CNTN5: variants seen among roughly 807,000 people sequenced by gnomAD.
CNTN5 encodes contactin 5, also known as contactin-5.
In CNTN5, 77 loss-of-function variants were observed where a neutral mutation model predicts 129.1. The ratio of observed to expected loss-of-function variants is 0.60; its 90% CI spans 0.50 to 0.72. The LOEUF is 0.72. Among genes scored for constraint, CNTN5 ranks in the 30% least tolerant of loss-of-function variants. CNTN5 has a pLI of 0.00. For missense variants in CNTN5, 1,478 were observed against 1,328.8 expected, an observed-to-expected ratio of 1.11 and a Z score of -1.75; for synonymous variants, 509 against 465.6, an observed-to-expected ratio of 1.09 and a Z score of -1.20.
intron 1 of CNTN5, among the ~76,000 whole-genome samples, chr11:99,115,561 A>G (rs1299027515): frequency 6.6e-6 from 1 of 152,116 alleles, no homozygotes; most frequent in Non-Finnish European, 1.5e-5. Flanking sequence ...GGAGTTTGAG[A>G]CCAGCCTGGC....
chr11:99,547,889 C>T (rs954464), intron 2 of CNTN5, among the ~76,000 whole-genome samples: 9,572 of 152,176 alleles, frequency 0.063, 356 homozygotes, highest in Non-Finnish European at 0.076. Context: ...TATTAATATG[C>T]AGTTTACTTA....
intron 2 of CNTN5, among the ~76,000 whole-genome samples, chr11:99,431,585 G>T (rs189756765): frequency 2.6e-5 from 4 of 152,266 alleles, no homozygotes; most frequent in Admixed American, 1.3e-4. Flanking sequence ...ATTGTAGATA[G>T]CCCAGGCTAG....
At chr11:100,244,687 T>C (rs1213125147) in intron 16 of CNTN5, among the ~76,000 whole-genome samples, 1 of 152,206 alleles carries the variant, frequency 6.6e-6, no homozygotes, top group East Asian at 1.9e-4. Flanking sequence ...TAGGAATATA[T>C]TGCTATAATA....
chr11:100,005,952 G>T (rs1316915498), intron 9 of CNTN5, among the ~76,000 whole-genome samples: 1 of 151,980 alleles, frequency 6.6e-6, no homozygotes, highest in Non-Finnish European at 1.5e-5. Flanking sequence ...AACCAAATAT[G>T]TTCCTAGATA....
intron 3 of CNTN5, among the ~76,000 whole-genome samples, chr11:99,575,485 A>C (rs566111545): frequency 6.6e-6 from 1 of 152,326 alleles, no homozygotes; most frequent in African/African-American, 2.4e-5. Context: ...ACAGAAACTC[A>C]GATTTGTTAA....
chr11:99,743,525 A>G (rs919263637), intron 3 of CNTN5, among the ~76,000 whole-genome samples: 14 of 152,140 alleles, frequency 9.2e-5, no homozygotes, highest in African/African-American at 3.1e-4. Context: ...ATAAATTGCA[A>G]TTACATGAAG....
Position 99,737,611 on chromosome 11 carries a change from T to A in CNTN5, c.56-81933T>A, listed in dbSNP as rs769203188. On this transcript the variant is annotated intron_variant, in intron 3 of 24. Coordinates refer to ENST00000524871, the MANE Select transcript of CNTN5 (RefSeq NM_014361.4). ...AAAAATAATCCAAGCATATGGGTTC[T>A]AATCTTTGGATTCTTTCCAAATAAC... Among the ~76,000 whole-genome samples, 50 of 152,232 alleles carry A rather than the reference T, an allele frequency of 3.3e-4. 1 individual carries two copies. The highest frequency in any genetic ancestry group is 1.0e-4 in the Non-Finnish European group (7 of 68,042).
chr11:99,679,258 G>A (rs984778804), intron 3 of CNTN5, among the ~76,000 whole-genome samples: 1 of 150,144 alleles, frequency 6.7e-6, no homozygotes, highest in Admixed American at 6.7e-5. Context: ...CTTAAAAAGG[G>A]TGAAATTAAA....
At chr11:99,079,190 ATTAG>A (rs1394748240) in intron 1 of CNTN5, among the ~76,000 whole-genome samples, 3 of 152,168 alleles carry the variant, frequency 2.0e-5, no homozygotes, top group Admixed American at 6.5e-5. Context: ...ATGGTACATA[ATTAG>A]TTAGAGGAAA....
At chr11:99,932,957 G>A (rs1157316874) in intron 7 of CNTN5, among the ~76,000 whole-genome samples, 1 of 152,042 alleles carries the variant, frequency 6.6e-6, no homozygotes, top group Non-Finnish European at 1.5e-5. Flanking sequence ...CTCGATGTAG[G>A]CTACTGAGGC....
chr11:99,495,181 A>G (rs1417191683), intron 2 of CNTN5, among the ~76,000 whole-genome samples: 1 of 152,134 alleles, frequency 6.6e-6, no homozygotes, highest in African/African-American at 2.4e-5. Context: ...AGCCTGACCA[A>G]CATGATGAAA....
intron 2 of CNTN5, among the ~76,000 whole-genome samples, chr11:99,358,255 A>ACTTTTTTTTTTTTTTTT (rs1425138820): frequency 2.1e-5 from 1 of 46,914 alleles, no homozygotes; most frequent in Non-Finnish European, 4.1e-5. Context: ...CGCCCTGCTG[A>ACTTTTTTTTTTTTTTTT]TTTTTTTTTT....
intron 3 of CNTN5, among the ~76,000 whole-genome samples, chr11:99,723,534 C>T (rs1943240542): frequency 6.6e-6 from 1 of 152,120 alleles, no homozygotes; most frequent in Non-Finnish European, 1.5e-5. Flanking sequence ...CTTCTACCAC[C>T]ACACCTATCT....
chr11:99,392,133 G>A (rs1941292855), intron 2 of CNTN5, among the ~76,000 whole-genome samples: 1 of 151,600 alleles, frequency 6.6e-6, no homozygotes, highest in Non-Finnish European at 1.5e-5. Context: ...AAAGATATTT[G>A]CGTGACTATT....
At chr11:99,636,661 T>A (rs1025151352) in intron 3 of CNTN5, among the ~76,000 whole-genome samples, 1 of 151,996 alleles carries the variant, frequency 6.6e-6, no homozygotes, top group Non-Finnish European at 1.5e-5. Flanking sequence ...AGGCCAAAAC[T>A]TGATCAGGCA....
chr11:99,040,198 A>C (rs963052710), intron 1 of CNTN5, among the ~76,000 whole-genome samples: 1 of 152,134 alleles, frequency 6.6e-6, no homozygotes. Context: ...ATACATGCAA[A>C]CTTTGAGATA....
At chr11:100,088,140 C>T (rs1944626084) in intron 13 of CNTN5, among the ~76,000 whole-genome samples, 1 of 151,360 alleles carries the variant, frequency 6.6e-6, no homozygotes, top group Admixed American at 6.6e-5. Flanking sequence ...GACATTATCA[C>T]CAATCACACA....
intron 1 of CNTN5, among the ~76,000 whole-genome samples, chr11:99,216,158 T>A (rs937165426): frequency 2.0e-5 from 3 of 152,134 alleles, no homozygotes; most frequent in Non-Finnish European, 2.9e-5. Flanking sequence ...TTCCCCACTA[T>A]CCTTCCCAGC....
In CNTN5 at chr11:100,191,188, A is replaced by G. The variant is rs749249030; in HGVS notation, c.1643A>G (p.Lys548Arg). ...AATGCTTCCAAATCAGACGAGGGAA[A>G]GTACGTTTGCCGAGGGGAAAACGTC... ...ILNASKSDEG[K>R]YVCRGENVFG... The change falls in exon 14 of 25, where the codon AAG becomes AGG. Residue 548 changes from lysine (K) to arginine (R), a missense_variant. By Grantham distance (26) the Lys-to-Arg change is conservative. Coordinates refer to ENST00000524871, the MANE Select transcript of CNTN5 (RefSeq NM_014361.4). 5.6e-6 allele frequency: 9 copies of G among 1,612,412 alleles called. No individual in the cohort carries two copies. The South Asian group carries it at 9.9e-5, about 18-fold the overall frequency.
Sources: gnomAD v4.1 joint callset for allele counts (sites outside exome capture counted in the v4.1 genomes callset) on GRCh38, gnomAD v4.1.1 for gene constraint, MANE v1.5 for transcripts, NCBI Gene and HGNC (gene_info 2026-07-23, HGNC 2026-07-21) for gene names.